The following KALRN variants were observed in gnomAD, a reference collection of about 807,000 sequenced individuals.
The protein encoded by KALRN is kalirin RhoGEF kinase.
KALRN carries 70 observed loss-of-function variants against 353.7 expected under a neutral mutation model. That is an observed-to-expected ratio of 0.20 (90% CI 0.16 to 0.24). The LOEUF (loss-of-function observed/expected upper bound fraction) is 0.24. Among genes scored for constraint, KALRN ranks in the 10% least tolerant of loss-of-function variants. The pLI is 1.00. For synonymous variants in KALRN, 1,391 were observed against 1,434.8 expected, an observed-to-expected ratio of 0.97 and a Z score of 0.69; for missense variants, 2,791 against 3,756.7, an observed-to-expected ratio of 0.74 and a Z score of 6.72.
chr3:124,113,825 C>T (rs1463507805), intron 1 of KALRN, among the ~76,000 whole-genome samples: 1 of 152,226 alleles, frequency 6.6e-6, no homozygotes, highest in Non-Finnish European at 1.5e-5. Context: ...ATAATAAATA[C>T]ATGAACTGGC....
Position 124,334,388 on chromosome 3 carries a change from C to T in KALRN, c.1540C>T (p.His514Tyr). The T allele has an allele frequency of 6.2e-7, 1 of 1,614,198 alleles. No homozygotes were observed. The highest frequency in any genetic ancestry group is 8.5e-7 in the Non-Finnish European group (1 of 1,179,986). The change falls in exon 9 of 60, where the codon CAT becomes TAT. Residue 514 changes from histidine (H) to tyrosine (Y), a missense_variant. Transcript: ENST00000682506. This position sits in a 1 kb window ranked among gnomAD's most constrained non-coding sequence, Gnocchi z 4.2. Reference sequence around the variant, plus strand: ...AGTGCACCAGGTGCTGGACGTGGTGCATGAGGTGTTACATCACCAGCGACG... The same window carrying T: ...AGTGCACCAGGTGCTGGACGTGGTGTATGAGGTGTTACATCACCAGCGACG... ...KAVHQVLDVV[H>Y]EVLHHQRRLE...
At chr3:124,082,098 A>T (rs1577876763) in intron 1 of KALRN, among the ~76,000 whole-genome samples, 1 of 152,318 alleles carries the variant, frequency 6.6e-6, no homozygotes, top group East Asian at 1.9e-4. Context: ...GTGGTGGAGC[A>T]TGGAGGCAGT....
rs1191579228 is a variant in KALRN, at chr3:124,562,962, T to A, written c.5055T>A (p.Pro1685=). The change falls in exon 34 of 60, where the codon CCT becomes CCA. Residue 1685 remains proline (P), a synonymous_variant. Coordinates refer to ENST00000682506, the MANE Select transcript of KALRN (RefSeq NM_001388419.1). The stretch of plus-strand genomic sequence containing the variant: ...TGCTGGAGCGGCCCAGCGAGCGGCC[T>A]GGTTGGTGTCTGGTCCGTACCACCG... ...VELLERPSER[P]GWCLVRTTER... is the part of the protein sequence containing the mutation. 2.9e-6 allele frequency: 4 copies of A among 1,367,916 alleles called. No individual in the cohort carries two copies. The Admixed American group carries it at 7.6e-5, about 26-fold the overall frequency. 84.7% of individuals were successfully genotyped at this position (1,367,916 alleles called of 1,614,324 possible).
chr3:124,127,113 T>G (rs150425299), intron 1 of KALRN, among the ~76,000 whole-genome samples: 257 of 152,324 alleles, frequency 1.7e-3, no homozygotes, highest in Non-Finnish European at 2.7e-3. Context: ...CTTCATAAAT[T>G]TCAAATTGGT....
chr3:124,352,733 A>G (rs1334531921), intron 10 of KALRN, among the ~76,000 whole-genome samples: 1 of 151,870 alleles, frequency 6.6e-6, no homozygotes, highest in African/African-American at 2.4e-5. Context: ...CTGAAACTGG[A>G]AACCATCATT....
chr3:124,512,482 A>G (rs976069025), intron 33 of KALRN, among the ~76,000 whole-genome samples: 1 of 152,044 alleles, frequency 6.6e-6, no homozygotes, highest in East Asian at 1.9e-4. Context: ...AAACCCTGCC[A>G]CTACTGAAAA....
At chr3:124,251,838 A>G (rs6438837) in intron 3 of KALRN, among the ~76,000 whole-genome samples, 20,407 of 152,184 alleles carry the variant, frequency 0.13, 1,580 homozygotes, top group South Asian at 0.2. Context: ...AGTCTGTGCT[A>G]TTGAATACTT....
intron 1 of KALRN, among the ~76,000 whole-genome samples, chr3:124,204,634 A>T (rs909952957): frequency 6.7e-6 from 1 of 148,650 alleles, no homozygotes; most frequent in African/African-American, 2.5e-5. Flanking sequence ...TGGCTTTGGA[A>T]TTCATCATGT....
intron 57 of KALRN, among the ~76,000 whole-genome samples, chr3:124,711,182 A>T (rs73195599): frequency 9.6e-5 from 11 of 114,180 alleles, no homozygotes; most frequent in Non-Finnish European, 1.7e-4. Flanking sequence ...TTAGTACATT[A>T]TTTTTTTAAA....
intron 34 of KALRN, among the ~76,000 whole-genome samples, chr3:124,564,523 A>C (rs1030101733): frequency 6.6e-6 from 1 of 151,964 alleles, no homozygotes; most frequent in Non-Finnish European, 1.5e-5. Context: ...CAAAACTAAA[A>C]AATTTTAGCC....
intron 33 of KALRN, among the ~76,000 whole-genome samples, chr3:124,505,207 G>A (rs2065073819): frequency 6.6e-6 from 1 of 152,172 alleles, no homozygotes; most frequent in Non-Finnish European, 1.5e-5. Flanking sequence ...AAAACTAATG[G>A]TAGGGGAAAC....
At chr3:124,527,498 A>G (rs1363707275) in intron 33 of KALRN, among the ~76,000 whole-genome samples, 1 of 151,968 alleles carries the variant, frequency 6.6e-6, no homozygotes, top group Non-Finnish European at 1.5e-5. Context: ...AGTCCCAGCT[A>G]CTCAGGAGGC....
intron 1 of KALRN, among the ~76,000 whole-genome samples, chr3:124,176,287 C>G (rs949063201): frequency 1.3e-5 from 2 of 152,124 alleles, no homozygotes; most frequent in Non-Finnish European, 2.9e-5. Flanking sequence ...GGGAACCCAC[C>G]CTGAGGAAGC....
At chr3:124,046,857 G>A (rs1327728194) in intron 1 of KALRN, among the ~76,000 whole-genome samples, 2 of 150,892 alleles carry the variant, frequency 1.3e-5, no homozygotes, top group East Asian at 3.9e-4. Flanking sequence ...GCCCAGGTTA[G>A]TGCCTTGCAA....
intron 9 of KALRN, among the ~76,000 whole-genome samples, chr3:124,338,333 G>A (rs1392035695): frequency 6.6e-6 from 1 of 152,138 alleles, no homozygotes; most frequent in South Asian, 2.1e-4. Context: ...CTGGTACGTT[G>A]TGTCTTTGTT....
rs1408920905 is a variant in KALRN, at chr3:124,719,268, A to G, written c.8759A>G (p.Gln2920Arg). The change falls in exon 60 of 60, where the codon CAG (glutamine) becomes CGG (arginine). Residue 2920 changes from glutamine (Q) to arginine (R), a missense_variant. Coordinates refer to ENST00000682506, the MANE Select transcript of KALRN (RefSeq NM_001388419.1). This position sits in a 1 kb window ranked among gnomAD's most constrained non-coding sequence, Gnocchi z 5.3. ...AGAGATTTCATCAATGTGATCTTAC[A>G]GGAAGATTTTCGGAGGCGGCCCACA... ...AARDFINVIL[Q>R]EDFRRRPTAA... The G allele has an allele frequency of 6.2e-7, 1 of 1,614,234 alleles. No homozygotes were observed. The highest frequency in any genetic ancestry group is 2.2e-5 in the East Asian group (1 of 44,888).
intron 28 of KALRN, among the ~76,000 whole-genome samples, chr3:124,485,580 T>C (rs1561099102): frequency 6.6e-6 from 1 of 152,222 alleles, no homozygotes; most frequent in Non-Finnish European, 1.5e-5. Context: ...AAATTATTTT[T>C]ATTTTTTTAA....
At chr3:124,184,222 G>T (rs990212424) in intron 1 of KALRN, among the ~76,000 whole-genome samples, 2 of 152,226 alleles carry the variant, frequency 1.3e-5, no homozygotes, top group African/African-American at 2.4e-5. Context: ...CTGTGACCTT[G>T]AGCAAGTCAC....
At chr3:124,472,418 G>A (rs930691315) in intron 25 of KALRN, among the ~76,000 whole-genome samples, 26 of 152,238 alleles carry the variant, frequency 1.7e-4, no homozygotes, top group African/African-American at 5.1e-4. Flanking sequence ...GGCTGGGCAC[G>A]GTGGCTCATG....
Sources: allele counts gnomAD v4.1 joint callset (sites outside exome capture counted in the v4.1 genomes callset), GRCh38; gene constraint gnomAD v4.1.1; non-coding constraint Gnocchi (gnomAD v3.1); transcripts MANE v1.5; gene names NCBI Gene and HGNC (gene_info 2026-07-23, HGNC 2026-07-21).